The following PAQR5 variants were observed in gnomAD, a reference collection of about 807,000 sequenced individuals.
PAQR5 encodes the protein progestin and adipoQ receptor family member 5, also known as membrane progestin receptor gamma.
A neutral mutation model predicts 34.5 loss-of-function variants in PAQR5; 20 were observed. The observed-to-expected ratio is 0.58, with a 90% CI of 0.41 to 0.84. PAQR5 has a LOEUF of 0.84. Among genes scored for constraint, PAQR5 ranks in the 40% least tolerant of loss-of-function variants. The pLI, the probability that PAQR5 is intolerant of heterozygous loss-of-function variation, is 0.00. For synonymous variants in PAQR5, 131 were observed against 155.6 expected (o/e 0.84, Z 1.18); for missense variants, 378 against 412.7 (o/e 0.92, Z 0.73).
Position 69,397,510 on chromosome 15 carries a change from T to C in PAQR5, c.555T>C (p.Arg185=). ...IQKPRLCKVI[R]VLAFAYPYTW... ...AGCCCAGACTCTGTAAGGTGATTCG[T>C]GTCCTCGCCTTTGCTTATCCGTACA... The change falls in exon 7 of 9, where the codon CGT becomes CGC. Residue 185 remains arginine, a synonymous_variant. Transcript: ENST00000395407. The C allele has an allele frequency of 6.2e-7, 1 of 1,614,032 alleles. No individual in the cohort carries two copies. The highest frequency in any genetic ancestry group is 8.5e-7 in the Non-Finnish European group (1 of 1,179,842).
chr15:69,364,441 T>C (rs1313629007), intron 3 of PAQR5, among the ~76,000 whole-genome samples: 2 of 145,804 alleles, frequency 1.4e-5, no homozygotes, highest in African/African-American at 5.1e-5. Flanking sequence ...AACAAATATA[T>C]ATATATATTA....
intron 2 of PAQR5, among the ~76,000 whole-genome samples, chr15:69,351,097 C>A (rs377655277): frequency 4.1e-4 from 63 of 152,322 alleles, no homozygotes; most frequent in African/African-American, 1.5e-3. Context: ...CTGGGAGAAT[C>A]CCCACATTGC....
intron 4 of PAQR5, 49 bp from the exon 5 acceptor site, chr15:69,384,628 G>A (rs370734915): frequency 6.2e-5 from 80 of 1,286,974 alleles, no homozygotes; most frequent in Non-Finnish European, 8.4e-5. Context: ...GAGGGTGAGC[G>A]GGCCCTCTGT....
At chr15:69,322,759 A>AGGG (rs1566997881) in intron 1 of PAQR5, among the ~76,000 whole-genome samples, 594 of 46,884 alleles carry the variant, frequency 0.013, 98 homozygotes, top group South Asian at 0.028. Context: ...GAAGAAGAAG[A>AGGG]AGAAGAAGAA....
intron 2 of PAQR5, among the ~76,000 whole-genome samples, chr15:69,355,955 T>G (rs2055067265): frequency 6.6e-6 from 1 of 152,168 alleles, no homozygotes; most frequent in Admixed American, 6.5e-5. Context: ...TATCCTTTCT[T>G]TCTTAAGCTA....
chr15:69,300,396 CT>C (rs889954693), intron 1 of PAQR5, among the ~76,000 whole-genome samples: 7 of 152,242 alleles, frequency 4.6e-5, no homozygotes, highest in Non-Finnish European at 7.4e-5. Flanking sequence ...AGCAAAGCTT[CT>C]TTTCCAACTG....
intron 4 of PAQR5, among the ~76,000 whole-genome samples, chr15:69,383,171 CGCG>C (rs2055959200): frequency 1.3e-5 from 2 of 152,156 alleles, no homozygotes; most frequent in African/African-American, 4.8e-5. Context: ...AATTAGTCAC[CGCG>C]GGGGAATGGA....
intron 6 of PAQR5, among the ~76,000 whole-genome samples, chr15:69,393,659 C>T (rs2056332741): frequency 6.6e-6 from 1 of 152,148 alleles, no homozygotes; most frequent in Admixed American, 6.5e-5. Flanking sequence ...CGGGAGAGAA[C>T]CACCTTCCCC....
At position 69,385,356 on chromosome 15, in the gene PAQR5, G is replaced by C. The variant is rs954918692; in HGVS notation, c.385+474G>C. On this transcript the variant is annotated intron_variant, in intron 5 of 8. Coordinates refer to ENST00000395407, the MANE Select transcript of PAQR5 (RefSeq NM_017705.4). The surrounding 1 kb of genome is among the most constrained non-coding windows in gnomAD (Gnocchi z 4.7). ...TGTTCAGCACTCAGCTCTCTCACAG[G>C]CCAGAATGAACTGACTCCAGTACAT... 2.0e-5 allele frequency among the ~76,000 whole-genome samples: 3 copies of C among 152,102 alleles called. No individual in the cohort carries two copies. Among genetic ancestry groups the C allele is most frequent in the African/African-American group, 7.2e-5 (3 of 41,410 alleles).
intron 3 of PAQR5, among the ~76,000 whole-genome samples, chr15:69,361,848 G>T (rs1053934583): frequency 1.3e-5 from 2 of 152,124 alleles, no homozygotes; most frequent in Admixed American, 1.3e-4. Context: ...CTTCATGAAG[G>T]GGGTGATCTG....
chr15:69,327,340 C>A (rs1411018047), intron 1 of PAQR5, among the ~76,000 whole-genome samples: 3 of 152,162 alleles, frequency 2.0e-5, no homozygotes, highest in Non-Finnish European at 4.4e-5. Context: ...TCTCTGCTTT[C>A]TACGCTCTTT....
chr15:69,342,615 C>T (rs1226666302), intron 2 of PAQR5, among the ~76,000 whole-genome samples: 2 of 152,170 alleles, frequency 1.3e-5, no homozygotes, highest in African/African-American at 2.4e-5. Context: ...CCATCGTCCC[C>T]CAGGGTGCTA....
At chr15:69,311,039 AAAAAAT>A (rs1336367799) in intron 1 of PAQR5, among the ~76,000 whole-genome samples, 2,495 of 39,326 alleles carry the variant, frequency 0.063, 113 homozygotes, top group African/African-American at 0.2. Flanking sequence ...ACTCCGTCGC[AAAAAAT>A]AAAAAAAAAA....
At position 69,302,816 on chromosome 15, in the gene PAQR5, G is replaced by A. The variant is rs569603816; in HGVS notation, c.-277+3760G>A. Among the ~76,000 whole-genome samples, 5 of 152,250 alleles carry A rather than the reference G, an allele frequency of 3.3e-5. No individual in the cohort carries two copies. The East Asian group carries it at 5.8e-4, about 18-fold the overall frequency. The stretch of plus-strand genomic sequence containing the variant: ...CCCTGAGAGCTGTCCCTGTACTCAC[G>A]CATGGCCCTGCCCAGTTTCCTGCCA... On this transcript the variant is annotated intron_variant, in intron 1 of 8. Coordinates refer to ENST00000395407, the MANE Select transcript of PAQR5 (RefSeq NM_017705.4).
intron 6 of PAQR5, among the ~76,000 whole-genome samples, chr15:69,390,355 TATTTA>T (rs1567038470): frequency 1.1e-4 from 14 of 131,448 alleles, no homozygotes; most frequent in African/African-American, 1.3e-4. Context: ...TTTATTTATT[TATTTA>T]TTTTTTTGAG....
intron 3 of PAQR5, among the ~76,000 whole-genome samples, chr15:69,376,710 C>T (rs926348864): frequency 6.6e-6 from 1 of 152,178 alleles, no homozygotes; most frequent in Non-Finnish European, 1.5e-5. Context: ...CAGATGGAGG[C>T]AGGTTTTTTT....
At position 69,300,892 on chromosome 15, in the gene PAQR5, T is replaced by TCTTTCTTTCTTC. The variant is rs1555411084; in HGVS notation, c.-277+1839_-277+1840insTCTTTCTTCCTT. ...TTCTTTCTTTCTTTCTTTCTTTCTTTCTTCCTTCCTTCCTTCCTTCCTTTC... is the reference window on the plus strand; with the variant it reads ...TTCTTTCTTTCTTTCTTTCTTTCTTTCTTTCTTTCTTCCTTCCTTCCTTCCTTCCTTCCTTTC... On this transcript the variant is annotated intron_variant, in intron 1 of 8. Coordinates refer to ENST00000395407, the MANE Select transcript of PAQR5 (RefSeq NM_017705.4). Among the ~76,000 whole-genome samples the TCTTTCTTTCTTC allele has an allele frequency of 1.0e-4, 2 of 20,098 alleles. 1 individual carries two copies. Among genetic ancestry groups the TCTTTCTTTCTTC allele is most frequent in the East Asian group, 3.6e-3 (2 of 550 alleles). 13.2% of individuals were successfully genotyped at this position (20,098 alleles called of 152,430 possible).
intron 3 of PAQR5, among the ~76,000 whole-genome samples, chr15:69,372,198 G>A (rs974598505): frequency 3.9e-5 from 6 of 152,124 alleles, no homozygotes; most frequent in Non-Finnish European, 7.3e-5. Flanking sequence ...TTACATGTTC[G>A]GCCAGAAGAA....
At chr15:69,362,650 C>A (rs79258859) in intron 3 of PAQR5, among the ~76,000 whole-genome samples, 1 of 152,160 alleles carries the variant, frequency 6.6e-6, no homozygotes, top group African/African-American at 2.4e-5. Flanking sequence ...GTATCTGCCT[C>A]CTGGGGTTGT....
Sources: gnomAD v4.1 joint callset for allele counts (sites outside exome capture counted in the v4.1 genomes callset) on GRCh38, gnomAD v4.1.1 for gene constraint, Gnocchi (gnomAD v3.1) non-coding constraint, MANE v1.5 for transcripts, NCBI Gene and HGNC (gene_info 2026-07-23, HGNC 2026-07-21) for gene names.